The following MARCHF1 variants were observed in gnomAD, a reference collection of about 807,000 sequenced individuals.
MARCHF1 encodes the protein membrane associated ring-CH-type finger 1, also known as E3 ubiquitin-protein ligase MARCHF1.
A neutral mutation model predicts 54.2 loss-of-function variants in MARCHF1; 40 were observed. The ratio of observed to expected loss-of-function variants is 0.74; its 90% CI spans 0.57 to 0.96. MARCHF1 has a LOEUF of 0.96. MARCHF1 is among the 40% of genes least tolerant of loss of function. The pLI is 0.00. For synonymous variants in MARCHF1, 236 were observed against 236.3 expected (o/e 1.00, Z 0.01); for missense variants, 586 against 656.5 (o/e 0.89, Z 1.17).
chr4:163,940,552 T>C (rs1751892686), intron 3 of MARCHF1, among the ~76,000 whole-genome samples: 1 of 152,074 alleles, frequency 6.6e-6, no homozygotes, highest in South Asian at 2.1e-4. Context: ...TGTCCACCAT[T>C]GGATCTTTGC....
chr4:163,793,602 A>T (rs1747829373), intron 4 of MARCHF1, among the ~76,000 whole-genome samples: 1 of 152,164 alleles, frequency 6.6e-6, no homozygotes, highest in Admixed American at 6.5e-5. Flanking sequence ...AAGAAAGAAG[A>T]AGTAAAAACT....
chr4:164,379,508 A>C (rs1365070951), intron 1 of MARCHF1, among the ~76,000 whole-genome samples: 1 of 152,230 alleles, frequency 6.6e-6, no homozygotes, highest in Non-Finnish European at 1.5e-5. Flanking sequence ...ATAACAATCC[A>C]CAAATTCAAG....
chr4:164,275,467 G>A lies in MARCHF1; in HGVS notation c.-323+108403C>T, dbSNP rs140618514. Among the ~76,000 whole-genome samples, 1,004 of 152,238 alleles carry A rather than the reference G, an allele frequency of 6.6e-3. 9 individuals carry two copies. The highest frequency in any genetic ancestry group is 0.022 in the African/African-American group (922 of 41,518). On this transcript the variant is annotated intron_variant, in intron 1 of 9. Coordinates refer to ENST00000514618, the MANE Select transcript of MARCHF1 (RefSeq NM_001394959.1). ...AGAATAATCCTTGAGTGGGGGAAAG[G>A]TTAAAAACCCCTCTGGATAAGTGTT...
At chr4:164,125,829 C>T (rs1756168154) in intron 1 of MARCHF1, among the ~76,000 whole-genome samples, 6 of 152,190 alleles carry the variant, frequency 3.9e-5, no homozygotes, top group Admixed American at 3.9e-4. Flanking sequence ...TTGTGAACTG[C>T]ATATGCAAGG....
intron 5 of MARCHF1, among the ~76,000 whole-genome samples, chr4:163,683,167 G>A (rs1744159886): frequency 6.6e-6 from 1 of 152,160 alleles, no homozygotes; most frequent in Non-Finnish European, 1.5e-5. Context: ...AGACATATTT[G>A]AGACTGGGCA....
chr4:163,940,639 G>C (rs1751893891), intron 3 of MARCHF1, among the ~76,000 whole-genome samples: 1 of 152,066 alleles, frequency 6.6e-6, no homozygotes, highest in Admixed American at 6.6e-5. Flanking sequence ...AAATCACATA[G>C]CTGTTTACTG....
intron 3 of MARCHF1, among the ~76,000 whole-genome samples, chr4:163,943,499 T>G (rs552465699): frequency 6.6e-6 from 1 of 152,306 alleles, no homozygotes; most frequent in East Asian, 1.9e-4. Flanking sequence ...GATGTAAGTG[T>G]GCAGCCTTAT....
At chr4:164,169,272 A>G (rs1287222300) in intron 1 of MARCHF1, among the ~76,000 whole-genome samples, 1 of 152,114 alleles carries the variant, frequency 6.6e-6, no homozygotes, top group African/African-American at 2.4e-5. Context: ...AGCCTACTCA[A>G]GACCCTTGCC....
At chr4:163,734,547 C>CA (rs71600634) in intron 4 of MARCHF1, among the ~76,000 whole-genome samples, 12,132 of 144,976 alleles carry the variant, frequency 0.084, 1,017 homozygotes, top group East Asian at 0.29. Flanking sequence ...AAAGCTAGAC[C>CA]AAAAAAAGAA....
intron 1 of MARCHF1, among the ~76,000 whole-genome samples, chr4:164,126,394 C>G (rs1234502523): frequency 6.6e-6 from 1 of 152,194 alleles, no homozygotes; most frequent in Non-Finnish European, 1.5e-5. Context: ...ATGTCCCAGT[C>G]TCCAGAACTG....
intron 3 of MARCHF1, among the ~76,000 whole-genome samples, chr4:163,904,561 A>G (rs192268652): frequency 6.6e-6 from 1 of 152,286 alleles, no homozygotes; most frequent in East Asian, 1.9e-4. Flanking sequence ...TGGGAAAATG[A>G]GCACAGTTAG....
At chr4:163,829,090 CA>C in intron 4 of MARCHF1, 1 of 152,314 alleles carries the variant, frequency 6.6e-6, no homozygotes, top group South Asian at 2.1e-4. Context: ...TGATGAATAT[CA>C]CAGCCAGAAA....
chr4:164,065,665 G>A (rs1188383479), intron 2 of MARCHF1, among the ~76,000 whole-genome samples: 1 of 152,176 alleles, frequency 6.6e-6, no homozygotes, highest in Non-Finnish European at 1.5e-5. Context: ...TCTGTAAGCT[G>A]AGGAAGAAAG....
chr4:164,113,514 G>A (rs1166812151), intron 1 of MARCHF1, among the ~76,000 whole-genome samples: 2 of 152,048 alleles, frequency 1.3e-5, no homozygotes, highest in African/African-American at 4.8e-5. Flanking sequence ...GCATATTTAT[G>A]TATCTGGGGA....
intron 2 of MARCHF1, among the ~76,000 whole-genome samples, chr4:163,992,319 C>T (rs10517797): frequency 0.062 from 9,418 of 151,788 alleles, 654 homozygotes; most frequent in East Asian, 0.33. Flanking sequence ...TCAAAGAGTT[C>T]GTTGTATCAT....
At chr4:164,365,771 A>G (rs1730860983) in intron 1 of MARCHF1, among the ~76,000 whole-genome samples, 1 of 152,064 alleles carries the variant, frequency 6.6e-6, no homozygotes, top group Non-Finnish European at 1.5e-5. Flanking sequence ...GGTGCATCAA[A>G]TCATCACATT....
chr4:164,276,207 A>G (rs2111323924), intron 1 of MARCHF1, among the ~76,000 whole-genome samples: 1 of 152,276 alleles, frequency 6.6e-6, no homozygotes, highest in African/African-American at 2.4e-5. Flanking sequence ...CCAAAATAAT[A>G]TGTTGAAGTT....
chr4:164,004,246 C>CACATATATAT (rs1553969067), intron 2 of MARCHF1, among the ~76,000 whole-genome samples: 10 of 149,978 alleles, frequency 6.7e-5, no homozygotes, highest in Non-Finnish European at 8.9e-5. Context: ...TGTTTACATA[C>CACATATATAT]ATATATATAT....
intron 4 of MARCHF1, among the ~76,000 whole-genome samples, chr4:163,817,854 C>T (rs1460761575): frequency 2.7e-5 from 4 of 148,964 alleles, no homozygotes; most frequent in Admixed American, 6.8e-5. Flanking sequence ...AGTAAACTAT[C>T]GCAAGGACAA....
Sources: gnomAD v4.1 joint callset for allele counts (sites outside exome capture counted in the v4.1 genomes callset) on GRCh38, gnomAD v4.1.1 for gene constraint, MANE v1.5 for transcripts, NCBI Gene and HGNC (gene_info 2026-07-23, HGNC 2026-07-21) for gene names.